RNPC3: variants seen among roughly 807,000 people sequenced by gnomAD.
RNPC3 encodes the protein RNA-binding region-containing protein 3.
In RNPC3, 48 loss-of-function variants were observed where a neutral mutation model predicts 67.5. That is an observed-to-expected ratio of 0.71 (90% confidence interval 0.56 to 0.90). RNPC3 has a LOEUF of 0.90. Ranked by LOEUF, RNPC3 falls within the 40% of genes least tolerant of loss-of-function variation. The probability of loss-of-function intolerance (pLI) is 0.00; values close to 1 mark genes in which losing one functional copy is unlikely to be tolerated. For missense variants in RNPC3, 637 were observed against 626.1 expected (o/e 1.02, Z -0.19); for synonymous variants, 239 against 210.3 (o/e 1.14, Z -1.18).
At chr1:103,531,442 C>G (rs1650855229) in intron 2 of RNPC3, among the ~76,000 whole-genome samples, 1 of 152,152 alleles carries the variant, frequency 6.6e-6, no homozygotes, top group Admixed American at 6.5e-5. Context: ...TTCATACTTA[C>G]TGTACTAGTT....
intron 2 of RNPC3, among the ~76,000 whole-genome samples, chr1:103,529,710 T>A (rs1650799523): frequency 1.3e-5 from 2 of 152,194 alleles, no homozygotes; most frequent in Non-Finnish European, 2.9e-5. Context: ...ATTTAGGGTC[T>A]TGAAAATTAT....
At chr1:103,550,716 A>G (rs1651368505) in intron 12 of RNPC3, among the ~76,000 whole-genome samples, 1 of 151,818 alleles carries the variant, frequency 6.6e-6, no homozygotes, top group Non-Finnish European at 1.5e-5. Context: ...TACTTTTATG[A>G]TAGTTGAGAA....
chr1:103,531,908 C>T (rs1650867887), intron 2 of RNPC3, among the ~76,000 whole-genome samples: 1 of 152,108 alleles, frequency 6.6e-6, no homozygotes, highest in Non-Finnish European at 1.5e-5. Flanking sequence ...TTGCCTAAGC[C>T]AATGTCTAGA....
intron 12 of RNPC3, among the ~76,000 whole-genome samples, chr1:103,548,744 C>T (rs1651309716): frequency 6.6e-6 from 1 of 152,144 alleles, no homozygotes; most frequent in East Asian, 1.9e-4. Flanking sequence ...AGCAGTATCC[C>T]ACTTTACTGG....
At chr1:103,529,920 C>T (rs1386741042) in intron 2 of RNPC3, among the ~76,000 whole-genome samples, 3 of 152,140 alleles carry the variant, frequency 2.0e-5, no homozygotes, top group African/African-American at 4.8e-5. Context: ...TGAGCTCCAC[C>T]TCCAGTCAGA....
At position 103,533,777 on chromosome 1, in the gene RNPC3, T is replaced by C. The variant is rs542219326; in HGVS notation, c.279T>C (p.His93=). Residue 93 remains histidine (H), a synonymous_variant, in exon 3 of 15, where the codon CAT becomes CAC. Coordinates refer to ENST00000423855, the MANE Select transcript of RNPC3 (RefSeq NM_017619.4). The part of the protein sequence containing the change: ...TRLHQLKLLG[H]TLVVEFAKEQ... Reference sequence around the variant, plus strand: ...TCCATCAACTGAAACTTTTAGGTCATACTTTAGTCGTTGAATTTGCAAAAG... The same window carrying C: ...TCCATCAACTGAAACTTTTAGGTCACACTTTAGTCGTTGAATTTGCAAAAG... 5.2e-6 allele frequency: 8 copies of C among 1,535,002 alleles called. No homozygotes were observed. The East Asian group carries it at 2.0e-4, about 38-fold the overall frequency.
At chr1:103,534,649 G>GA in intron 3 of RNPC3, 125 bp from the exon 4 acceptor site, 1 of 514,976 alleles carries the variant, frequency 1.9e-6, no homozygotes, top group South Asian at 2.4e-5. Flanking sequence ...ATACTTGAAA[G>GA]TTTTTTTTTT....
At chr1:103,528,026 TAAAAG>T (rs1190248869) in intron 2 of RNPC3, among the ~76,000 whole-genome samples, 2 of 152,238 alleles carry the variant, frequency 1.3e-5, no homozygotes, top group Non-Finnish European at 2.9e-5. Flanking sequence ...TTTCAAGTGT[TAAAAG>T]GAGAATATAC....
rs574422532 is a variant in RNPC3 at position 103,536,800 on chromosome 1, A to G, written c.625-542A>G. Among the ~76,000 whole-genome samples the G allele has an allele frequency of 6.6e-4, 100 of 152,148 alleles. 1 individual carries two copies. In the Middle Eastern group the frequency reaches 0.01, roughly 16 times the overall value. ...TTTTTTTTTTCTTTTTGTAACCCCA[A>G]CACCTACTCAATGCTTGATATATTA... On this transcript the variant is annotated intron_variant, in intron 6 of 14. Coordinates refer to ENST00000423855, the MANE Select transcript of RNPC3 (RefSeq NM_017619.4).
At chr1:103,550,437 C>T (rs904136503) in intron 12 of RNPC3, among the ~76,000 whole-genome samples, 2 of 151,690 alleles carry the variant, frequency 1.3e-5, no homozygotes, top group African/African-American at 4.8e-5. Context: ...GTCAGGAGAT[C>T]GAGACCATCC....
intron 8 of RNPC3, among the ~76,000 whole-genome samples, chr1:103,542,991 C>A (rs1651160384): frequency 6.6e-6 from 1 of 151,484 alleles, no homozygotes; most frequent in East Asian, 1.9e-4. Flanking sequence ...AATAAATATC[C>A]TGGTGTTTAG....
intron 2 of RNPC3, among the ~76,000 whole-genome samples, chr1:103,528,539 G>A (rs1650770225): frequency 2.0e-5 from 3 of 152,166 alleles, no homozygotes; most frequent in African/African-American, 7.2e-5. Context: ...AATAGTTCAG[G>A]ATATTTAGAT....
chr1:103,537,620 C>G, intron 7 of RNPC3, 136 bp downstream of exon 7: 1 of 632,888 alleles, frequency 1.6e-6, no homozygotes, highest in Non-Finnish European at 2.6e-6. Flanking sequence ...CCCCCCAGCA[C>G]CTCAGGCATA....
intron 8 of RNPC3, among the ~76,000 whole-genome samples, 159 bp downstream of exon 8, chr1:103,541,634 A>G (rs1651127265): frequency 6.6e-6 from 1 of 152,044 alleles, no homozygotes; most frequent in Non-Finnish European, 1.5e-5. Context: ...TAATTCTCTC[A>G]CAGTTGACCA....
intron 12 of RNPC3, 33 bp downstream of exon 12, chr1:103,547,068 A>G: frequency 1.5e-6 from 2 of 1,306,774 alleles, no homozygotes; most frequent in Non-Finnish European, 1.0e-6. Context: ...CTTCAATTAT[A>G]TTTTGTTTTT....
At chr1:103,553,401 TC>T (rs1399148782) in intron 14 of RNPC3, 1 of 152,192 alleles carries the variant, frequency 6.6e-6, no homozygotes, top group Non-Finnish European at 1.5e-5. Context: ...CACCTGTTGA[TC>T]CAGGTTAAGG....
chr1:103,550,958 T>A lies in RNPC3; in HGVS notation c.1379T>A (p.Met460Lys). 1 of 1,611,456 alleles carries A rather than the reference T, an allele frequency of 6.2e-7. No individual in the cohort carries two copies. The highest frequency in any genetic ancestry group is 8.5e-7 in the Non-Finnish European group (1 of 1,179,554). Residue 460 changes from methionine (M) to lysine (K), a missense_variant, in exon 13 of 15, where the codon ATG becomes AAG. Coordinates refer to ENST00000423855, the MANE Select transcript of RNPC3 (RefSeq NM_017619.4). ...TQRIMFDIRL[M>K]KEGRMKGQAF... ...CCTTCTAGGTTTGATATACGTTTGA[T>A]GAAAGAAGGTCGTATGAAAGGACAA...
chr1:103,553,895 CG>C (rs1274110427), intron 14 of RNPC3: 1 of 151,892 alleles, frequency 6.6e-6, no homozygotes, highest in Non-Finnish European at 1.5e-5. Context: ...AGAAGAAAAG[CG>C]TAATAGAGGG....
intron 7 of RNPC3, among the ~76,000 whole-genome samples, chr1:103,540,841 G>A (rs1651108761): frequency 2.6e-5 from 4 of 152,114 alleles, no homozygotes; most frequent in Admixed American, 2.6e-4. Context: ...TCAGAGCATA[G>A]TACAGTATTT....
Sources: allele counts gnomAD v4.1 joint callset (sites outside exome capture counted in the v4.1 genomes callset), GRCh38; gene constraint gnomAD v4.1.1; transcripts MANE v1.5; gene names NCBI Gene and HGNC (gene_info 2026-07-23, HGNC 2026-07-21).